The following MDGA1 variants were observed in gnomAD, a reference collection of about 807,000 sequenced individuals.
The protein encoded by MDGA1 is MAM domain containing glycosylphosphatidylinositol anchor 1.
Under a neutral mutation model 101.5 loss-of-function variants are expected in MDGA1, and 54 were observed. The observed-to-expected ratio is 0.53, with a 90% CI of 0.43 to 0.67. The LOEUF is 0.67. MDGA1 is among the 30% of genes least tolerant of loss of function. The pLI is 0.00. For missense variants in MDGA1, 1,083 were observed against 1,323.8 expected (o/e 0.82, Z 2.82); for synonymous variants, 533 against 558.3 (o/e 0.95, Z 0.64).
At chr6:37,641,934 A>T (rs2114000551) in intron 14 of MDGA1, 1 of 152,238 alleles carries the variant, frequency 6.6e-6, no homozygotes, top group Non-Finnish European at 1.5e-5. Context: ...GTTCAGCTTG[A>T]CCCATCACCC....
chr6:37,640,364 T>C (rs1434550759), intron 14 of MDGA1, among the ~76,000 whole-genome samples: 1 of 151,598 alleles, frequency 6.6e-6, no homozygotes, highest in African/African-American at 2.4e-5. Context: ...TCATTCTTTT[T>C]TCGGAGGGGG....
chr6:37,666,992 C>T (rs1049710425), intron 1 of MDGA1, among the ~76,000 whole-genome samples: 5 of 152,148 alleles, frequency 3.3e-5, no homozygotes, highest in Admixed American at 1.3e-4. Context: ...GAACTCACAA[C>T]GGTAGATGTG....
Position 37,635,329 on chromosome 6 carries a change from AG to A in MDGA1, c.*2038del, listed in dbSNP as rs372543274. On this transcript the variant is annotated 3_prime_UTR_variant, in exon 17 of 17. Transcript: ENST00000434837. ...CACGAGCGGGAGGTGGCGAAGGTGG[AG>A]GGGGGACTTGGAAGGCTCAGAGGAG... The A allele has an allele frequency of 5.0e-6, 2 of 397,550 alleles. No homozygotes were observed. The highest frequency in any genetic ancestry group is 3.6e-5 in the East Asian group (1 of 28,080). 24.6% of individuals were successfully genotyped at this position (397,550 alleles called of 1,614,324 possible). A position where few individuals can be genotyped will look rare whatever the true frequency, so the allele number is the denominator to read the frequency against.
intron 1 of MDGA1, among the ~76,000 whole-genome samples, chr6:37,674,228 C>A (rs1023842103): frequency 6.6e-6 from 1 of 152,220 alleles, no homozygotes; most frequent in Non-Finnish European, 1.5e-5. Context: ...TCTCCCTAAC[C>A]AGAGTGCATG....
chr6:37,634,474 G>C lies in MDGA1; in HGVS notation c.*2894C>G. The C allele has an allele frequency of 6.5e-6, 1 of 153,330 alleles. No homozygotes were observed. The highest frequency in any genetic ancestry group is 1.5e-5 in the Non-Finnish European group (1 of 68,440). The allele number at this position is 153,330 out of a possible 1,614,324, so 9.5% of individuals were successfully genotyped here. A position where few individuals can be genotyped will look rare whatever the true frequency, so the allele number is the denominator to read the frequency against. On this transcript the variant is annotated 3_prime_UTR_variant, in exon 17 of 17. Transcript: ENST00000434837. This position sits in a 1 kb window ranked among gnomAD's most constrained non-coding sequence, Gnocchi z 4.7. ...TGGCTCACAGGCACACACAGACACA[G>C]ACACTGACAAGTCACCAGGTGATAC...
At chr6:37,690,772 CAA>C (rs11388608) in intron 1 of MDGA1, among the ~76,000 whole-genome samples, 5 of 128,166 alleles carry the variant, frequency 3.9e-5, no homozygotes, top group Non-Finnish European at 4.9e-5. Flanking sequence ...GACTCCACCT[CAA>C]AAAAAAAAAA....
rs1020739776 is a variant in MDGA1 at position 37,655,644 on chromosome 6, C to A, written c.579+56G>T. ...CCCAAAAACTCAGCCCCATGCCCCC[C>A]TCCCCTGTTGGATGCAGGAGAAGTG... On this transcript the variant is annotated intron_variant, in intron 4 of 16. Coordinates refer to ENST00000434837, the MANE Select transcript of MDGA1 (RefSeq NM_153487.4). The surrounding 1 kb of genome is among the most constrained non-coding windows in gnomAD (Gnocchi z 5.1). The A allele has an allele frequency of 2.1e-6, 3 of 1,400,482 alleles. No individual in the cohort carries two copies. Among genetic ancestry groups the A allele is most frequent in the East Asian group, 4.8e-5 (2 of 41,486 alleles). The allele number at this position is 1,400,482 out of a possible 1,614,324, so 86.8% of individuals were successfully genotyped here.
At chr6:37,647,023 C>A in intron 10 of MDGA1, 150 bp downstream of exon 10, 1 of 700,638 alleles carries the variant, frequency 1.4e-6, no homozygotes, top group South Asian at 1.9e-5. Flanking sequence ...ATGTCCAAAA[C>A]TTTTCTCCCT....
intron 1 of MDGA1, among the ~76,000 whole-genome samples, chr6:37,679,744 A>G (rs564549204): frequency 8.7e-4 from 133 of 152,264 alleles, no homozygotes; most frequent in African/African-American, 2.8e-3. Flanking sequence ...TGCCAGGCAC[A>G]TGGCTTCCCA....
In MDGA1 at chr6:37,654,926, T is replaced by C; in HGVS notation, c.586A>G (p.Thr196Ala). 1 of 1,613,154 alleles carries C rather than the reference T, an allele frequency of 6.2e-7. No homozygotes were observed. Among genetic ancestry groups the C allele is most frequent in the Non-Finnish European group, 8.5e-7 (1 of 1,179,778 alleles). Residue 196 changes from threonine to alanine, a missense_variant, in exon 5 of 17, where the codon ACC (threonine) becomes GCC (alanine). Transcript: ENST00000434837. ...IYEPLYTQGETKVLKLKNLRP... is the reference protein window; with the variant it reads ...IYEPLYTQGEAKVLKLKNLRP... ...AGGTTCTTCAGCTTCAGGACCTTGG[T>C]CTCCCCCTGGGCAGCAGTGGACCAC...
intron 1 of MDGA1, among the ~76,000 whole-genome samples, chr6:37,668,445 A>G (rs1407214078): frequency 6.6e-6 from 1 of 152,228 alleles, no homozygotes; most frequent in Non-Finnish European, 1.5e-5. Context: ...CAACCAAACA[A>G]TAAGTACAAA....
intron 13 of MDGA1, 121 bp from the exon 14 acceptor site, chr6:37,644,064 G>C: frequency 8.1e-7 from 1 of 1,240,052 alleles, no homozygotes; most frequent in Non-Finnish European, 1.1e-6. Flanking sequence ...CACGCATCCT[G>C]CCTCACCCCA....
chr6:37,643,734 C>T lies in MDGA1; in HGVS notation c.2536+75G>A, dbSNP rs758223233. 4.2e-5 allele frequency: 67 copies of T among 1,581,832 alleles called. No individual in the cohort carries two copies. In the East Asian group the frequency reaches 1.1e-3, roughly 27 times the overall value. On this transcript the variant is annotated intron_variant, in intron 14 of 16. Transcript: ENST00000434837. ...TGAGGCCTCACATGGGCCAGCCCAT[C>T]GCCTCCTGTGGACCCCACTCCCCTC... is the stretch of plus-strand genomic sequence containing the variant.
At chr6:37,664,421 T>G in intron 1 of MDGA1, 2 of 248,930 alleles carry the variant, frequency 8.0e-6, no homozygotes, top group Non-Finnish European at 1.6e-5. Flanking sequence ...ATCACCATCT[T>G]AGCAGTCCTG....
chr6:37,659,319 C>T (rs1486020761), intron 2 of MDGA1, among the ~76,000 whole-genome samples: 1 of 152,220 alleles, frequency 6.6e-6, no homozygotes, highest in Non-Finnish European at 1.5e-5. Flanking sequence ...ATGATTAATA[C>T]ACCATGATAC....
intron 1 of MDGA1, among the ~76,000 whole-genome samples, chr6:37,667,951 G>A (rs1361013729): frequency 1.3e-5 from 2 of 152,140 alleles, no homozygotes; most frequent in African/African-American, 4.8e-5. Flanking sequence ...AGATGACACT[G>A]TTAAGATTAT....
At chr6:37,649,414 C>G in intron 8 of MDGA1, 148 bp from the exon 9 acceptor site, 3 of 1,335,574 alleles carry the variant, frequency 2.2e-6, no homozygotes, top group Non-Finnish European at 2.9e-6. Context: ...CAACACATCC[C>G]TCCAATGGCC....
chr6:37,660,049 T>TTA (rs1761585933), intron 2 of MDGA1, among the ~76,000 whole-genome samples: 2 of 151,492 alleles, frequency 1.3e-5, no homozygotes, highest in Admixed American at 1.3e-4. Context: ...TTTTTTTTTT[T>TTA]AATCACTAGA....
At chr6:37,656,376 T>TG (rs2114033832) in intron 3 of MDGA1, among the ~76,000 whole-genome samples, 1 of 137,658 alleles carries the variant, frequency 7.3e-6, no homozygotes, top group African/African-American at 2.8e-5. Flanking sequence ...GCGCCCGGAC[T>TG]CTTTTTTTTT....
Sources: gnomAD v4.1 joint callset for allele counts (sites outside exome capture counted in the v4.1 genomes callset) on GRCh38, gnomAD v4.1.1 for gene constraint, Gnocchi (gnomAD v3.1) non-coding constraint, MANE v1.5 for transcripts, NCBI Gene and HGNC (gene_info 2026-07-23, HGNC 2026-07-21) for gene names.